The following CASQ2 variants were observed in gnomAD, a reference collection of about 807,000 sequenced individuals.
CASQ2 encodes the protein calsequestrin-2.
A neutral mutation model predicts 46.5 loss-of-function variants in CASQ2; 49 were observed. The observed-to-expected ratio is 1.05, with a 90% CI of 0.84 to 1.34. The LOEUF (loss-of-function observed/expected upper bound fraction) is 1.34. Among genes scored for constraint, CASQ2 ranks in the 40% most tolerant of loss-of-function variants. The pLI is 0.00. For synonymous variants in CASQ2, 174 were observed against 168.5 expected (o/e 1.03, Z -0.25); for missense variants, 486 against 481.3 (o/e 1.01, Z -0.09).
intron 3 of CASQ2, among the ~76,000 whole-genome samples, chr1:115,739,679 G>A (rs564881938): frequency 1.3e-5 from 2 of 152,334 alleles, no homozygotes; most frequent in Admixed American, 6.5e-5. Context: ...AGAATAGTCA[G>A]CTTGAGGACA....
At chr1:115,729,035 CTTTTT>C (rs753965730) in intron 5 of CASQ2, among the ~76,000 whole-genome samples, 52 of 68,856 alleles carry the variant, frequency 7.6e-4, no homozygotes, top group African/African-American at 3.2e-3. Flanking sequence ...CTCTTTCATT[CTTTTT>C]TTTTTTTTTT....
intron 7 of CASQ2, among the ~76,000 whole-genome samples, chr1:115,723,596 G>A (rs1647468886): frequency 6.6e-6 from 1 of 151,778 alleles, no homozygotes; most frequent in South Asian, 2.1e-4. Flanking sequence ...GGAGTGCAGT[G>A]GTGCAATCAC....
At chr1:115,745,801 G>A (rs1157622457) in intron 1 of CASQ2, among the ~76,000 whole-genome samples, 1 of 152,178 alleles carries the variant, frequency 6.6e-6, no homozygotes, top group Non-Finnish European at 1.5e-5. Flanking sequence ...GCAGTTGTGA[G>A]AAATAATACA....
intron 8 of CASQ2, among the ~76,000 whole-genome samples, chr1:115,715,898 C>G (rs1254913250): frequency 6.6e-6 from 1 of 152,186 alleles, no homozygotes; most frequent in African/African-American, 2.4e-5. Context: ...CGAGTCAAGA[C>G]ATTGTGCAAG....
At chr1:115,742,779 T>C (rs942066535) in intron 2 of CASQ2, among the ~76,000 whole-genome samples, 14 of 136,688 alleles carry the variant, frequency 1.0e-4, no homozygotes, top group African/African-American at 4.1e-4. Flanking sequence ...TGTTTGTTTG[T>C]TTGTTTGTTT....
rs145536962 is a variant in CASQ2, at chr1:115,749,336, T to C, written c.235-4424A>G. On this transcript the variant is annotated intron_variant, in intron 1 of 10. Transcript: ENST00000261448. ...CATGTAAAGCATGGCCTTCTGGTTA[T>C]CTTATGGATATTTATATGTGATTTT... Among the ~76,000 whole-genome samples, 6 of 152,332 alleles carry C rather than the reference T, an allele frequency of 3.9e-5. No individual in the cohort carries two copies. In the South Asian group the frequency reaches 8.3e-4, roughly 21 times the overall value.
chr1:115,718,583 T>C (rs1050480055), intron 7 of CASQ2, among the ~76,000 whole-genome samples: 3 of 152,184 alleles, frequency 2.0e-5, no homozygotes, highest in African/African-American at 7.2e-5. Flanking sequence ...CTTGAAGTCC[T>C]TGCCCAGTCA....
intron 8 of CASQ2, among the ~76,000 whole-genome samples, chr1:115,717,523 A>G (rs1654742596): frequency 6.6e-6 from 1 of 151,994 alleles, no homozygotes; most frequent in Non-Finnish European, 1.5e-5. Context: ...CCCTCCTCTT[A>G]CCCATTTGGC....
At chr1:115,742,938 C>T (rs571285647) in intron 2 of CASQ2, among the ~76,000 whole-genome samples, 16 of 152,200 alleles carry the variant, frequency 1.1e-4, no homozygotes, top group Admixed American at 1.3e-4. Flanking sequence ...CAGGCACCCG[C>T]CACCATGCCC....
At chr1:115,716,712 C>T (rs778853971) in intron 8 of CASQ2, among the ~76,000 whole-genome samples, 25 of 152,182 alleles carry the variant, frequency 1.6e-4, no homozygotes, top group East Asian at 1.9e-4. Flanking sequence ...AATAAAATCC[C>T]GCTAGGCTTC....
intron 2 of CASQ2, 28 bp downstream of exon 2, chr1:115,744,800 C>A: frequency 6.7e-7 from 1 of 1,489,974 alleles, no homozygotes; most frequent in Non-Finnish European, 9.4e-7. Context: ...TTCTTTCCCA[C>A]ATACAGTATC....
chr1:115,719,866 T>C (rs1647308983), intron 7 of CASQ2, among the ~76,000 whole-genome samples: 1 of 152,124 alleles, frequency 6.6e-6, no homozygotes, highest in Non-Finnish European at 1.5e-5. Flanking sequence ...GGAAATTCTG[T>C]TTTTAATTGC....
chr1:115,700,223 ATT>A lies in CASQ2; in HGVS notation c.*1016_*1017del, dbSNP rs11347859. ...TAGACAGCTCAGAAGGCACTTTGGG[ATT>A]TTTTTTTTTTTCAGTGCCTCAGGGC... On this transcript the variant is annotated 3_prime_UTR_variant, in exon 11 of 11. Coordinates refer to ENST00000261448, the MANE Select transcript of CASQ2 (RefSeq NM_001232.4). 1.5e-3 allele frequency: 222 copies of A among 148,428 alleles called. No individual in the cohort carries two copies. The highest frequency in any genetic ancestry group is 4.3e-3 in the African/African-American group (172 of 40,448). 9.2% of individuals were successfully genotyped at this position (148,428 alleles called of 1,614,324 possible).
chr1:115,701,499 A>C, intron 10 of CASQ2, 73 bp from the exon 11 acceptor site: 1 of 966,806 alleles, frequency 1.0e-6, no homozygotes, highest in Admixed American at 1.8e-5. Flanking sequence ...AGCCGTGCTG[A>C]ATAGCTATGC....
chr1:115,739,238 A>C (rs1269154878), intron 3 of CASQ2, among the ~76,000 whole-genome samples: 2 of 149,680 alleles, frequency 1.3e-5, no homozygotes, highest in African/African-American at 2.4e-5. Flanking sequence ...TAGCCTCCCG[A>C]GTAGCTGGGA....
At chr1:115,711,225 G>A (rs1275659585) in intron 8 of CASQ2, among the ~76,000 whole-genome samples, 3 of 152,224 alleles carry the variant, frequency 2.0e-5, no homozygotes, top group Non-Finnish European at 2.9e-5. Context: ...CTCCTGTGAG[G>A]AGAGGCCTGA....
intron 4 of CASQ2, among the ~76,000 whole-genome samples, chr1:115,735,418 T>A (rs1178461367): frequency 6.6e-6 from 1 of 152,208 alleles, no homozygotes; most frequent in East Asian, 1.9e-4. Flanking sequence ...TTTTGAGGGA[T>A]CATTATTGGC....
At chr1:115,767,315 T>A (rs1031959526) in intron 1 of CASQ2, among the ~76,000 whole-genome samples, 3 of 152,214 alleles carry the variant, frequency 2.0e-5, no homozygotes, top group Admixed American at 6.5e-5. Flanking sequence ...ATACTTTTGA[T>A]GTATTTGGGA....
At chr1:115,724,394 C>T (rs1647497287) in intron 7 of CASQ2, among the ~76,000 whole-genome samples, 1 of 152,200 alleles carries the variant, frequency 6.6e-6, no homozygotes, top group Admixed American at 6.5e-5. Context: ...TCTCAAGCTG[C>T]TGTGCTCAAA....
Sources: allele counts gnomAD v4.1 joint callset (sites outside exome capture counted in the v4.1 genomes callset), GRCh38; gene constraint gnomAD v4.1.1; transcripts MANE v1.5; gene names NCBI Gene and HGNC (gene_info 2026-07-23, HGNC 2026-07-21).